The following GAS2L3 variants were observed in gnomAD, a reference collection of about 807,000 sequenced individuals.
GAS2L3 encodes GAS2-like protein 3.
GAS2L3 carries 28 observed loss-of-function variants against 37.0 expected under a neutral mutation model. The observed-to-expected ratio is 0.76, with a 90% CI of 0.56 to 1.04. GAS2L3 has a LOEUF of 1.04. Ranked by LOEUF, GAS2L3 falls within the 50% of genes least tolerant of loss-of-function variation. The pLI is 0.00. For synonymous variants in GAS2L3, 290 were observed against 296.6 expected (o/e 0.98, Z 0.23); for missense variants, 793 against 817.6 (o/e 0.97, Z 0.37).
In GAS2L3 at chr12:100,624,614, C is replaced by G. The variant is rs766051588; in HGVS notation, c.1809C>G (p.Ser603Arg). 5 of 1,613,936 alleles carry G rather than the reference C, an allele frequency of 3.1e-6. No homozygotes were observed. Among genetic ancestry groups the G allele is most frequent in the East Asian group, 2.2e-5 (1 of 44,874 alleles). Reference sequence around the variant, plus strand: ...GTGCATTTCAGAAGACAGGACCCAGCTCCTTGAAGTCTCCTGGCCGTACCC... The same window carrying G: ...GTGCATTTCAGAAGACAGGACCCAGGTCCTTGAAGTCTCCTGGCCGTACCC... ...NKSAFQKTGP[S>R]SLKSPGRTPL... is the part of the protein sequence containing the mutation. The change falls in exon 10 of 10, where the codon AGC (serine) becomes AGG (arginine). Residue 603 changes from serine to arginine, a missense_variant. Ser to Arg is a moderately radical substitution (Grantham distance 110, BLOSUM62 -1). Transcript: ENST00000547754.
chr12:100,604,150 T>C (rs1956026787), intron 5 of GAS2L3, among the ~76,000 whole-genome samples: 1 of 152,144 alleles, frequency 6.6e-6, no homozygotes, highest in African/African-American at 2.4e-5. Flanking sequence ...ATCATTGGTA[T>C]TTTGATAAGT....
chr12:100,616,158 A>G (rs1956185237), intron 6 of GAS2L3, among the ~76,000 whole-genome samples: 1 of 152,178 alleles, frequency 6.6e-6, no homozygotes. Context: ...ATTTCATTCA[A>G]CAGTGTTTTA....
chr12:100,615,979 C>T (rs1956182756), intron 6 of GAS2L3, among the ~76,000 whole-genome samples: 1 of 151,888 alleles, frequency 6.6e-6, no homozygotes, highest in Non-Finnish European at 1.5e-5. Context: ...CCTTTGGAAT[C>T]CCATACTAAT....
At chr12:100,610,518 AT>A (rs199583019) in intron 5 of GAS2L3, among the ~76,000 whole-genome samples, 137 of 146,008 alleles carry the variant, frequency 9.4e-4, no homozygotes, top group African/African-American at 2.7e-3. Flanking sequence ...TATTGGTTTG[AT>A]TTTTTTTTTT....
rs1468816259 is a variant in GAS2L3 at position 100,627,178 on chromosome 12, A to G, written c.*2288A>G. 6.6e-6 allele frequency among the ~76,000 whole-genome samples: 1 copy of G among 152,022 alleles called. No homozygotes were observed. The highest frequency in any genetic ancestry group is 1.5e-5 in the Non-Finnish European group (1 of 67,990). On this transcript the variant is annotated 3_prime_UTR_variant, in exon 10 of 10. Transcript: ENST00000547754. ...CATTACTATTTTTCAGCAGTAGGGAATTTCTCCAATTACATTCATGTTGAA... is the reference window on the plus strand; with the variant it reads ...CATTACTATTTTTCAGCAGTAGGGAGTTTCTCCAATTACATTCATGTTGAA...
intron 1 of GAS2L3, among the ~76,000 whole-genome samples, chr12:100,578,066 G>GA (rs949183916): frequency 6.6e-6 from 1 of 152,162 alleles, no homozygotes; most frequent in Non-Finnish European, 1.5e-5. Flanking sequence ...TCAGAGTTGT[G>GA]AAAAAATCAT....
At chr12:100,609,001 G>A (rs1956093348) in intron 5 of GAS2L3, among the ~76,000 whole-genome samples, 1 of 152,154 alleles carries the variant, frequency 6.6e-6, no homozygotes, top group African/African-American at 2.4e-5. Flanking sequence ...GAACCCAAGG[G>A]CTCTTTAGTC....
intron 1 of GAS2L3, among the ~76,000 whole-genome samples, chr12:100,574,426 A>G (rs2136353037): frequency 6.6e-6 from 1 of 152,242 alleles, no homozygotes; most frequent in Non-Finnish European, 1.5e-5. Flanking sequence ...TTCCGCCCAC[A>G]ACCCTCAGTT....
intron 6 of GAS2L3, among the ~76,000 whole-genome samples, chr12:100,613,424 A>T (rs1956149716): frequency 6.6e-6 from 1 of 152,172 alleles, no homozygotes. Context: ...TATTTTAAGG[A>T]ACTTAGAAGA....
At chr12:100,583,029 C>G (rs996745793) in intron 1 of GAS2L3, among the ~76,000 whole-genome samples, 3 of 152,222 alleles carry the variant, frequency 2.0e-5, no homozygotes, top group Admixed American at 6.5e-5. Flanking sequence ...CTGCATCCCT[C>G]TTGTTTTTCT....
intron 6 of GAS2L3, among the ~76,000 whole-genome samples, chr12:100,614,409 G>A (rs997299557): frequency 2.0e-5 from 3 of 151,980 alleles, no homozygotes; most frequent in African/African-American, 7.3e-5. Context: ...GTTGCAGTGA[G>A]CCAGGATCAC....
intron 5 of GAS2L3, among the ~76,000 whole-genome samples, chr12:100,606,818 C>A (rs1002605722): frequency 6.6e-6 from 1 of 151,844 alleles, no homozygotes; most frequent in Non-Finnish European, 1.5e-5. Flanking sequence ...TTCTTTATGT[C>A]TTATTATACT....
rs1275367739 is a variant in GAS2L3, at chr12:100,607,224, CT to C, written c.304-4774del. 2.6e-5 allele frequency among the ~76,000 whole-genome samples: 4 copies of C among 152,072 alleles called. No individual in the cohort carries two copies. The South Asian group carries it at 6.2e-4, about 24-fold the overall frequency. On this transcript the variant is annotated intron_variant, in intron 5 of 9. Coordinates refer to ENST00000547754, the MANE Select transcript of GAS2L3 (RefSeq NM_174942.3). ...CTATTCTAGGGCAAAAGTTTTTTTC[CT>C]TCAGCACTTTAAATGCCATGTCACT...
At chr12:100,617,282 C>T (rs1171418771) in intron 6 of GAS2L3, among the ~76,000 whole-genome samples, 2 of 152,100 alleles carry the variant, frequency 1.3e-5, no homozygotes, top group African/African-American at 4.8e-5. Context: ...ATGATATCTT[C>T]ATTTGGCTAC....
In GAS2L3 at chr12:100,579,868, A is replaced by T. The variant is rs187574704; in HGVS notation, c.-152+6083A>T. 334 of 747,674 alleles carry T rather than the reference A, an allele frequency of 4.5e-4. No individual in the cohort carries two copies. In the African/African-American group the frequency reaches 5.4e-3, roughly 12 times the overall value. The allele number at this position is 747,674 out of a possible 1,614,324, so 46.3% of individuals were successfully genotyped here. A position where few individuals can be genotyped will look rare whatever the true frequency, so the allele number is the denominator to read the frequency against. On this transcript the variant is annotated intron_variant, in intron 1 of 9. Coordinates refer to ENST00000547754, the MANE Select transcript of GAS2L3 (RefSeq NM_174942.3). ...TCAGGGGCATTGCTGGCTCCAGAAA[A>T]TATCCGTAACATAGTAAAGACTTTC... is the stretch of plus-strand genomic sequence containing the variant.
At chr12:100,620,508 T>C (rs1451100262) in intron 8 of GAS2L3, among the ~76,000 whole-genome samples, 4 of 151,982 alleles carry the variant, frequency 2.6e-5, no homozygotes, top group Non-Finnish European at 5.9e-5. Flanking sequence ...TGCTGATTTG[T>C]ACTGCTCAAT....
chr12:100,612,685 C>T (rs73381951), intron 6 of GAS2L3, among the ~76,000 whole-genome samples: 10 of 152,170 alleles, frequency 6.6e-5, no homozygotes, highest in Middle Eastern at 3.4e-3. Context: ...GTGACTAAAG[C>T]GGTAGCTATT....
chr12:100,611,966 T>C (rs1166935555), intron 5 of GAS2L3, 34 bp from the exon 6 acceptor site: 9 of 1,449,030 alleles, frequency 6.2e-6, no homozygotes, highest in East Asian at 2.3e-5. Context: ...GTATCCTTGA[T>C]ACATTTTTGA....
At chr12:100,599,454 A>G (rs1955956208) in intron 3 of GAS2L3, among the ~76,000 whole-genome samples, 1 of 152,236 alleles carries the variant, frequency 6.6e-6, no homozygotes, top group African/African-American at 2.4e-5. Context: ...TTGAGATACT[A>G]CGCAGTTACT....
Sources: allele counts gnomAD v4.1 joint callset (sites outside exome capture counted in the v4.1 genomes callset), GRCh38; gene constraint gnomAD v4.1.1; transcripts MANE v1.5; gene names NCBI Gene and HGNC (gene_info 2026-07-23, HGNC 2026-07-21).